The following ERG variants were observed in gnomAD, a reference collection of about 807,000 sequenced individuals.
ERG encodes the protein ETS transcription factor ERG, also known as transcriptional regulator ERG.
A neutral mutation model predicts 55.3 loss-of-function variants in ERG; 9 were observed. The observed-to-expected ratio is 0.16, with a 90% CI of 0.10 to 0.28. The LOEUF is 0.28. Ranked by LOEUF, ERG falls within the 10% of genes least tolerant of loss-of-function variation. The probability of loss-of-function intolerance (pLI) is 1.00; values close to 1 mark genes in which losing one functional copy is unlikely to be tolerated. For synonymous variants in ERG, 223 were observed against 237.3 expected (o/e 0.94, Z 0.55); for missense variants, 434 against 631.6 (o/e 0.69, Z 3.35).
chr21:38,387,615 A>C (rs181146784), intron 9 of ERG, among the ~76,000 whole-genome samples: 122 of 152,328 alleles, frequency 8.0e-4, no homozygotes, highest in Middle Eastern at 3.4e-3. Flanking sequence ...GTCTTGTCAG[A>C]ATTTCTTTGG....
chr21:38,413,178 C>G (rs1233817690), intron 3 of ERG, among the ~76,000 whole-genome samples: 1 of 152,158 alleles, frequency 6.6e-6, no homozygotes, highest in Non-Finnish European at 1.5e-5. Flanking sequence ...ATGTGCTGCT[C>G]TGCTCTATTC....
chr21:38,562,800 G>A (rs1173585933), intron 2 of ERG, among the ~76,000 whole-genome samples: 7 of 152,146 alleles, frequency 4.6e-5, no homozygotes, highest in Admixed American at 6.6e-5. Flanking sequence ...CTGCAGGACC[G>A]AGAGTGTGGG....
intron 1 of ERG, among the ~76,000 whole-genome samples, chr21:38,489,760 T>G (rs1296556199): frequency 6.6e-6 from 1 of 152,264 alleles, no homozygotes; most frequent in African/African-American, 2.4e-5. Flanking sequence ...AGATCAAGCT[T>G]GCAAACCTGC....
At chr21:38,504,991 G>C (rs1257137271) in intron 2 of ERG, among the ~76,000 whole-genome samples, 1 of 152,156 alleles carries the variant, frequency 6.6e-6, no homozygotes, top group African/African-American at 2.4e-5. Flanking sequence ...GCATTCAATT[G>C]ATAGAAATTG....
At chr21:38,539,541 TTTGAG>T (rs1428845768) in intron 2 of ERG, among the ~76,000 whole-genome samples, 1 of 152,124 alleles carries the variant, frequency 6.6e-6, no homozygotes, top group East Asian at 1.9e-4. Flanking sequence ...TAAATATAAC[TTTGAG>T]TTATTTTTAA....
At chr21:38,455,097 T>C (rs555709224) in intron 1 of ERG, among the ~76,000 whole-genome samples, 2 of 117,534 alleles carry the variant, frequency 1.7e-5, no homozygotes, top group East Asian at 5.1e-4. Flanking sequence ...ATGTTCTTTT[T>C]CTTTCTTTCT....
At chr21:38,379,149 C>T (rs1268082994), downstream of ERG, among the ~76,000 whole-genome samples, 3 of 152,242 alleles carry the variant, frequency 2.0e-5, no homozygotes, top group East Asian at 1.9e-4. Context: ...CCCGTCACCT[C>T]AGCCTGTTCT....
intron 2 of ERG, among the ~76,000 whole-genome samples, chr21:38,527,446 T>C (rs564733947): frequency 1.3e-5 from 2 of 152,286 alleles, no homozygotes; most frequent in Non-Finnish European, 2.9e-5. Context: ...AGAGAATGCT[T>C]AGTGAACGCT....
At position 38,445,431 on chromosome 21, in the gene ERG, C is replaced by T. The variant is rs1261635088; in HGVS notation, c.209G>A (p.Cys70Tyr). ...TGAGCCATTCACCTGGCTAGGGTTA[C>T]ATTCCATTTTGATGGTGACCCTGGC... is the stretch of plus-strand genomic sequence containing the variant. ...PPARVTIKME[C>Y]NPSQVNGSRN... The change falls in exon 2 of 10, where the codon TGT becomes TAT. Residue 70 changes from cysteine to tyrosine, a missense_variant. Physicochemically the swap from Cys to Tyr is radical, Grantham distance 194. Coordinates refer to ENST00000288319, the MANE Select transcript of ERG (RefSeq NM_182918.4). 1.2e-6 allele frequency: 2 copies of T among 1,614,176 alleles called. No individual in the cohort carries two copies. The highest frequency in any genetic ancestry group is 3.3e-5 in the Admixed American group (2 of 60,018).
At chr21:38,502,125 T>C (rs1431873485), upstream of ERG, among the ~76,000 whole-genome samples, 1 of 152,200 alleles carries the variant, frequency 6.6e-6, no homozygotes, top group Non-Finnish European at 1.5e-5. Flanking sequence ...TCCACATCTG[T>C]GGGGACACAA....
chr21:38,383,079 C>T lies in ERG; in HGVS notation c.*324G>A, dbSNP rs949406136. On this transcript the variant is annotated 3_prime_UTR_variant, in exon 10 of 10. Coordinates refer to ENST00000288319, the MANE Select transcript of ERG (RefSeq NM_182918.4). This position sits in a 1 kb window ranked among gnomAD's most constrained non-coding sequence, Gnocchi z 5.7. Reference sequence around the variant, plus strand: ...CATTAGTGGGATTCCAAACTCTACTCTAAAGTTTATACATTTCTTAAGACC... The same window carrying T: ...CATTAGTGGGATTCCAAACTCTACTTTAAAGTTTATACATTTCTTAAGACC... 9.0e-7 allele frequency: 1 copy of T among 1,115,170 alleles called. No homozygotes were observed. Among genetic ancestry groups the T allele is most frequent in the Non-Finnish European group, 1.1e-6 (1 of 913,568 alleles). 69.1% of individuals were successfully genotyped at this position (1,115,170 alleles called of 1,614,324 possible).
In ERG at chr21:38,496,147, C is replaced by A. The variant is rs186543554; in HGVS notation, c.18+2216G>T. Among the ~76,000 whole-genome samples, 38 of 152,250 alleles carry A rather than the reference C, an allele frequency of 2.5e-4. No individual in the cohort carries two copies. The East Asian group carries it at 7.3e-3, about 29-fold the overall frequency. On this transcript the variant is annotated intron_variant, in intron 1 of 9. Transcript: ENST00000288319. ...TGGTAAGAATCACAAAGACTGGATA[C>A]GAATATTTAGCTTTTCATAGTGTCT...
chr21:38,642,302 C>T (rs1417976032), intron 1 of ERG, among the ~76,000 whole-genome samples: 1 of 152,200 alleles, frequency 6.6e-6, no homozygotes, highest in Non-Finnish European at 1.5e-5. Flanking sequence ...GCCATTATGT[C>T]TGAGTGCAGA....
intron 1 of ERG, among the ~76,000 whole-genome samples, chr21:38,456,823 T>G (rs888207786): frequency 6.6e-6 from 1 of 152,160 alleles, no homozygotes; most frequent in Non-Finnish European, 1.5e-5. Context: ...CATAAATATA[T>G]CCTGGTTGCT....
chr21:38,504,827 T>C (rs911456355), intron 2 of ERG, among the ~76,000 whole-genome samples: 1 of 152,154 alleles, frequency 6.6e-6, no homozygotes, highest in Admixed American at 6.5e-5. Context: ...CTAGTCAGAG[T>C]TTTAAATGAT....
chr21:38,551,356 C>T (rs937772664), intron 2 of ERG, among the ~76,000 whole-genome samples: 1 of 152,020 alleles, frequency 6.6e-6, no homozygotes, highest in African/African-American at 2.4e-5. Context: ...TTCAGTTCAG[C>T]CCCGATTTTG....
chr21:38,384,069 G>A, intron 9 of ERG, 146 bp from the exon 10 acceptor site: 1 of 1,128,180 alleles, frequency 8.9e-7, no homozygotes. Context: ...CAGCTGCAGG[G>A]GTGCGGACTG....
chr21:38,406,857 C>T (rs1322796170), intron 3 of ERG, among the ~76,000 whole-genome samples: 6 of 152,232 alleles, frequency 3.9e-5, no homozygotes, highest in South Asian at 2.1e-4. Context: ...TAATTGGTTT[C>T]GCTCATCAAG....
intron 1 of ERG, among the ~76,000 whole-genome samples, chr21:38,579,647 GCTT>G (rs1309344184): frequency 6.6e-6 from 1 of 152,156 alleles, no homozygotes; most frequent in Non-Finnish European, 1.5e-5. Context: ...GGGCGTATGA[GCTT>G]CTCACACCGC....
Sources: allele counts gnomAD v4.1 joint callset (sites outside exome capture counted in the v4.1 genomes callset), GRCh38; gene constraint gnomAD v4.1.1; non-coding constraint Gnocchi (gnomAD v3.1); transcripts MANE v1.5; gene names NCBI Gene and HGNC (gene_info 2026-07-23, HGNC 2026-07-21).